The following PCLO variants were observed in gnomAD, a reference collection of about 807,000 sequenced individuals.
PCLO encodes the protein protein piccolo.
PCLO carries 82 observed loss-of-function variants against 427.5 expected under a neutral mutation model. That is an observed-to-expected ratio of 0.19 (90% CI 0.16 to 0.23). The LOEUF (loss-of-function observed/expected upper bound fraction) is 0.23. Ranked by LOEUF, PCLO falls within the 10% of genes least tolerant of loss-of-function variation. The pLI is 1.00. For synonymous variants in PCLO, 2,357 were observed against 2,155.4 expected (o/e 1.09, Z -2.59); for missense variants, 6,239 against 6,115.9 (o/e 1.02, Z -0.67).
chr7:82,796,135 T>A (rs945099134), intron 22 of PCLO, among the ~76,000 whole-genome samples: 1 of 152,170 alleles, frequency 6.6e-6, no homozygotes, highest in Non-Finnish European at 1.5e-5. Flanking sequence ...ATTTAACTTT[T>A]TAGTGGTCAA....
intron 2 of PCLO, among the ~76,000 whole-genome samples, chr7:83,139,794 C>A (rs1791819026): frequency 6.6e-6 from 1 of 152,120 alleles, no homozygotes; most frequent in Admixed American, 6.6e-5. Context: ...GGGTTGAAAT[C>A]ATTATCTACG....
chr7:83,088,230 C>T (rs1790288095), intron 3 of PCLO, among the ~76,000 whole-genome samples: 1 of 152,046 alleles, frequency 6.6e-6, no homozygotes, highest in Non-Finnish European at 1.5e-5. Flanking sequence ...TACATCCCAA[C>T]AAAAGCAGGA....
intron 6 of PCLO, among the ~76,000 whole-genome samples, chr7:82,941,631 G>A (rs115878445): frequency 0.028 from 4,259 of 152,220 alleles, 201 homozygotes; most frequent in African/African-American, 0.097. Flanking sequence ...ATGAGACTAT[G>A]AAAGTATCGT....
intron 22 of PCLO, among the ~76,000 whole-genome samples, chr7:82,793,994 T>C: frequency 6.6e-6 from 1 of 152,244 alleles, no homozygotes; most frequent in East Asian, 1.9e-4. Flanking sequence ...TAGTTTGTGT[T>C]AGATTTTTAG....
At chr7:82,924,573 A>C (rs542858534) in intron 6 of PCLO, among the ~76,000 whole-genome samples, 1 of 152,224 alleles carries the variant, frequency 6.6e-6, no homozygotes, top group Non-Finnish European at 1.5e-5. Flanking sequence ...GAGTGTAAGG[A>C]ACTGCCAGTC....
chr7:83,066,737 C>T (rs1789679685), intron 3 of PCLO, among the ~76,000 whole-genome samples: 2 of 152,172 alleles, frequency 1.3e-5, no homozygotes, highest in South Asian at 4.1e-4. Context: ...GTCAAGATAT[C>T]TCACTAAAAT....
At chr7:83,071,451 G>A (rs1230884446) in intron 3 of PCLO, among the ~76,000 whole-genome samples, 1 of 152,090 alleles carries the variant, frequency 6.6e-6, no homozygotes, top group Non-Finnish European at 1.5e-5. Context: ...CTATCAGTTT[G>A]GAAAGAGATT....
intron 10 of PCLO, among the ~76,000 whole-genome samples, chr7:82,861,078 A>C (rs974819730): frequency 1.4e-4 from 22 of 151,964 alleles, no homozygotes; most frequent in African/African-American, 4.8e-4. Context: ...AATAAACAAC[A>C]AAATGGCAGG....
At chr7:82,821,037 C>T in intron 20 of PCLO, 9 of 1,194,988 alleles carry the variant, frequency 7.5e-6, no homozygotes, top group Non-Finnish European at 9.3e-6. Context: ...CAGACAATCT[C>T]TAAAAATTAA....
intron 3 of PCLO, among the ~76,000 whole-genome samples, chr7:83,018,809 T>A (rs1788270977): frequency 6.6e-6 from 1 of 152,046 alleles, no homozygotes; most frequent in African/African-American, 2.4e-5. Flanking sequence ...ATAATGGGCA[T>A]GCACTTAGTA....
chr7:82,808,841 G>GAT (rs1425653324), intron 20 of PCLO, among the ~76,000 whole-genome samples: 1 of 151,844 alleles, frequency 6.6e-6, no homozygotes, highest in Non-Finnish European at 1.5e-5. Flanking sequence ...GTAGTGCAGA[G>GAT]ATATATAGCC....
At chr7:82,853,640 C>T (rs531517243) in intron 10 of PCLO, among the ~76,000 whole-genome samples, 3 of 152,232 alleles carry the variant, frequency 2.0e-5, no homozygotes, top group African/African-American at 7.2e-5. Flanking sequence ...AGAATACACA[C>T]TATTTTTATA....
At chr7:82,923,845 C>A (rs987893953) in intron 6 of PCLO, among the ~76,000 whole-genome samples, 1 of 152,112 alleles carries the variant, frequency 6.6e-6, no homozygotes, top group African/African-American at 2.4e-5. Context: ...ATAAATAAAT[C>A]TTTCTCATAC....
intron 3 of PCLO, among the ~76,000 whole-genome samples, chr7:83,134,028 T>C (rs1286895228): frequency 6.6e-6 from 1 of 151,660 alleles, no homozygotes; most frequent in Non-Finnish European, 1.5e-5. Context: ...TATTTCATCT[T>C]CTTACTTGTG....
chr7:83,124,085 C>T (rs531175474), intron 3 of PCLO, among the ~76,000 whole-genome samples: 5 of 149,828 alleles, frequency 3.3e-5, no homozygotes, highest in African/African-American at 9.8e-5. Flanking sequence ...GGGAGGCGGG[C>T]GGATCATGAG....
rs1216898432 is a variant in PCLO, at chr7:83,155,630, C to T, written c.1011G>A (p.Gly337=). 2.5e-6 allele frequency: 4 copies of T among 1,611,434 alleles called. No homozygotes were observed. Among genetic ancestry groups the T allele is most frequent in the Non-Finnish European group, 3.4e-6 (4 of 1,179,010 alleles). The change falls in exon 2 of 25, where the codon GGG becomes GGA. Residue 337 remains glycine (G), a synonymous_variant. Transcript: ENST00000333891. ...GPAKPPAQPS[G]LTKPLAQQPG... ...GTTGTTGAGCCAATGGCTTTGTTAG[C>T]CCTGAGGGCTGAGCTGGGGGCTTTG...
chr7:83,052,084 C>T (rs956640633), intron 3 of PCLO, among the ~76,000 whole-genome samples: 16 of 151,636 alleles, frequency 1.1e-4, no homozygotes, highest in Middle Eastern at 6.8e-3. Context: ...GATAAAACTC[C>T]TAGGAGATAA....
At chr7:83,028,133 A>G (rs1788554803) in intron 3 of PCLO, among the ~76,000 whole-genome samples, 1 of 152,236 alleles carries the variant, frequency 6.6e-6, no homozygotes, top group African/African-American at 2.4e-5. Context: ...AAGGAAATAA[A>G]GGGTATTCAA....
At chr7:82,942,621 A>T (rs1253116809) in intron 6 of PCLO, among the ~76,000 whole-genome samples, 1 of 152,138 alleles carries the variant, frequency 6.6e-6, no homozygotes, top group Admixed American at 6.6e-5. Context: ...ATCTGTGTAC[A>T]TTTGTTTTAA....
Sources: gnomAD v4.1 joint callset for allele counts (sites outside exome capture counted in the v4.1 genomes callset) on GRCh38, gnomAD v4.1.1 for gene constraint, MANE v1.5 for transcripts, NCBI Gene and HGNC (gene_info 2026-07-23, HGNC 2026-07-21) for gene names.